RSAD2: variants seen among roughly 807,000 people sequenced by gnomAD.
The protein encoded by RSAD2 is radical S-adenosyl methionine domain containing 2, also known as S-adenosylmethionine-dependent nucleotide dehydratase RSAD2.
In RSAD2, 38 loss-of-function variants were observed where a neutral mutation model predicts 37.7. The ratio of observed to expected loss-of-function variants is 1.01; its 90% CI spans 0.78 to 1.32. The LOEUF (loss-of-function observed/expected upper bound fraction) is 1.32. Among genes scored for constraint, RSAD2 ranks in the 40% most tolerant of loss-of-function variants. The pLI, the probability that RSAD2 is intolerant of heterozygous loss-of-function variation, is 0.00. For missense variants in RSAD2, 428 were observed against 437.5 expected, an observed-to-expected ratio of 0.98 and a Z score of 0.19; for synonymous variants, 163 against 157.4, an observed-to-expected ratio of 1.04 and a Z score of -0.27.
chr2:6,896,136 C>T lies in RSAD2; in HGVS notation c.*194C>T, dbSNP rs1663770620. 2 of 523,024 alleles carry T rather than the reference C, an allele frequency of 3.8e-6. No homozygotes were observed. The highest frequency in any genetic ancestry group is 6.7e-5 in the South Asian group (2 of 29,906). The allele number at this position is 523,024 out of a possible 1,614,324, so 32.4% of individuals were successfully genotyped here. A position where few individuals can be genotyped will look rare whatever the true frequency, so the allele number is the denominator to read the frequency against. On this transcript the variant is annotated 3_prime_UTR_variant, in exon 6 of 6. Coordinates refer to ENST00000382040, the MANE Select transcript of RSAD2 (RefSeq NM_080657.5). ...AGCAAATCCTGAGACAATGGAAAAC[C>T]ATTAACTTTACTTCATTGGCTTATA...
chr2:6,888,724 G>C (rs933450742), intron 3 of RSAD2, among the ~76,000 whole-genome samples: 3 of 152,202 alleles, frequency 2.0e-5, no homozygotes, highest in Admixed American at 6.5e-5. Flanking sequence ...TTTGGTGGAA[G>C]GCTAGTTTCT....
At chr2:6,877,531 A>G (rs1401573705), upstream of RSAD2, 12 of 466,610 alleles carry the variant, frequency 2.6e-5, no homozygotes, top group Non-Finnish European at 2.3e-5. Context: ...ACATCAAGCT[A>G]GAGAGACTGT....
In RSAD2 at chr2:6,893,681, C is replaced by G. The variant is rs1476621529; in HGVS notation, c.899C>G (p.Ser300Cys). ...VPESNQKMKD[S>C]YLILDEYMRF... ...ACTTCTCCTTTGCAGATGAAAGACT[C>G]CTACCTTATTCTGGATGAATATGTG... The change falls in exon 5 of 6, where the codon TCC becomes TGC. Residue 300 changes from serine to cysteine, a missense_variant. Transcript: ENST00000382040. 8.7e-6 allele frequency: 14 copies of G among 1,607,644 alleles called. No individual in the cohort carries two copies. The highest frequency in any genetic ancestry group is 1.2e-5 in the Non-Finnish European group (14 of 1,174,498).
exon 1 of RSAD2, chr2:6,866,025 C>T (rs577549526): frequency 1.3e-5 from 6 of 461,938 alleles, no homozygotes; most frequent in South Asian, 1.2e-4. Flanking sequence ...CCGAATGAGG[C>T]CCCGCGCCGT....
Position 6,865,945 on chromosome 2 carries a change from G to A in RSAD2, c.42G>A (p.Trp14Ter), listed in dbSNP as rs748517929. 11 of 1,303,948 alleles carry A rather than the reference G, an allele frequency of 8.4e-6. No homozygotes were observed. The East Asian group carries it at 4.3e-4, about 50-fold the overall frequency. The allele number at this position is 1,303,948 out of a possible 1,614,324, so 80.8% of individuals were successfully genotyped here. ...GCCGGCGCTCGGGAGCAGACGCTTG[G>A]CCCCGGGGCCCCAGGTGCGCGGCTC... The change falls in exon 1 of 6, where the codon TGG becomes TGA. Residue 14 changes from tryptophan to a stop codon, truncating the protein, a stop_gained. Transcript: ENST00000442639. LOFTEE classifies it high-confidence loss of function.
upstream of RSAD2, among the ~76,000 whole-genome samples, chr2:6,876,057 C>T (rs1663275665): frequency 6.6e-6 from 1 of 152,208 alleles, no homozygotes; most frequent in African/African-American, 2.4e-5. Flanking sequence ...ACTATCTCCT[C>T]CCTGCACAGA....
intron 3 of RSAD2, among the ~76,000 whole-genome samples, chr2:6,889,279 T>C (rs1329968092): frequency 6.6e-6 from 1 of 152,220 alleles, no homozygotes; most frequent in Non-Finnish European, 1.5e-5. Flanking sequence ...CCCAAGATGC[T>C]CACAGTCTAT....
At chr2:6,866,418 ACACT>A (rs753914436) in intron 1 of RSAD2, 311 of 985,056 alleles carry the variant, frequency 3.2e-4, no homozygotes, top group Non-Finnish European at 3.6e-4. Flanking sequence ...ACCTTTGCAC[ACACT>A]CACCTGTGCA....
intron 5 of RSAD2, among the ~76,000 whole-genome samples, chr2:6,895,395 GCTATATCACA>G (rs1466002852): frequency 2.0e-5 from 3 of 152,170 alleles, no homozygotes; most frequent in Non-Finnish European, 2.9e-5. Context: ...AGTACATCAT[GCTATATCACA>G]CTTCTGTGCT....
chr2:6,895,488 C>T (rs911685437), intron 5 of RSAD2, among the ~76,000 whole-genome samples: 2 of 152,242 alleles, frequency 1.3e-5, no homozygotes, highest in Non-Finnish European at 2.9e-5. Context: ...GCAAGCCTCT[C>T]CTGATTACCC....
intron 4 of RSAD2, among the ~76,000 whole-genome samples, chr2:6,891,376 A>G (rs1384766223): frequency 6.6e-6 from 1 of 152,354 alleles, no homozygotes; most frequent in East Asian, 1.9e-4. Context: ...TAACCTTTAA[A>G]ATAGCCCATA....
intron 5 of RSAD2, 59 bp downstream of exon 5, chr2:6,893,762 C>T (rs1034349341): frequency 5.7e-6 from 7 of 1,225,398 alleles, no homozygotes; most frequent in South Asian, 4.9e-5. Flanking sequence ...GCAGTAATGG[C>T]AGAGTTGAGT....
intron 5 of RSAD2, among the ~76,000 whole-genome samples, chr2:6,895,529 C>T (rs538747836): frequency 2.0e-5 from 3 of 152,346 alleles, no homozygotes; most frequent in South Asian, 2.1e-4. Flanking sequence ...TCTGCCCATG[C>T]GGGGCGCATA....
At chr2:6,874,305 A>T (rs953018781), upstream of RSAD2, among the ~76,000 whole-genome samples, 1 of 152,186 alleles carries the variant, frequency 6.6e-6, no homozygotes, top group African/African-American at 2.4e-5. Flanking sequence ...TATTTTCCTT[A>T]TAAATGACCC....
intron 1 of RSAD2, among the ~76,000 whole-genome samples, chr2:6,878,353 A>AG (rs1367193077): frequency 2.0e-5 from 3 of 152,170 alleles, no homozygotes; most frequent in African/African-American, 7.2e-5. Context: ...AAATCACAGA[A>AG]TTGGGCTGGA....
intron 1 of RSAD2, among the ~76,000 whole-genome samples, chr2:6,868,679 A>G (rs1293741220): frequency 6.6e-6 from 1 of 152,190 alleles, no homozygotes; most frequent in African/African-American, 2.4e-5. Flanking sequence ...CATTCTAGCA[A>G]TTTGTGGGCT....
intron 3 of RSAD2, among the ~76,000 whole-genome samples, chr2:6,888,778 T>C (rs1360833437): frequency 1.3e-5 from 2 of 152,216 alleles, no homozygotes; most frequent in Non-Finnish European, 1.5e-5. Context: ...AGGCTTCCAA[T>C]TGATGTAAAT....
At chr2:6,868,563 T>G (rs985046184) in intron 1 of RSAD2, among the ~76,000 whole-genome samples, 2 of 152,218 alleles carry the variant, frequency 1.3e-5, no homozygotes, top group Non-Finnish European at 2.9e-5. Context: ...TAGAAGTTAA[T>G]GAAAGGGCTA....
At chr2:6,888,965 C>G (rs1663575727) in intron 3 of RSAD2, among the ~76,000 whole-genome samples, 2 of 152,202 alleles carry the variant, frequency 1.3e-5, no homozygotes, top group Admixed American at 6.5e-5. Context: ...TTTGTTGTGA[C>G]CTGTAGGCTT....
Sources: allele counts gnomAD v4.1 joint callset (sites outside exome capture counted in the v4.1 genomes callset), GRCh38; gene constraint gnomAD v4.1.1; transcripts MANE v1.5; gene names NCBI Gene and HGNC (gene_info 2026-07-23, HGNC 2026-07-21).